Variants in CMIP observed in about 807,000 individuals in gnomAD.
CMIP encodes the protein c-Maf inducing protein.
In CMIP, 13 loss-of-function variants were observed where a neutral mutation model predicts 97.3. The ratio of observed to expected loss-of-function variants is 0.13; its 90% CI spans 0.09 to 0.21. CMIP has a LOEUF of 0.21. Ranked by LOEUF, CMIP falls within the 10% of genes least tolerant of loss-of-function variation. The pLI is 1.00. For synonymous variants in CMIP, 538 were observed against 436.3 expected (o/e 1.23, Z -2.91); for missense variants, 847 against 1,024.9 (o/e 0.83, Z 2.37).
At chr16:81,466,082 G>A (rs1271813159) in intron 1 of CMIP, among the ~76,000 whole-genome samples, 1 of 151,460 alleles carries the variant, frequency 6.6e-6, no homozygotes, top group Non-Finnish European at 1.5e-5. Context: ...TTTTTTTGAG[G>A]TAGGGTCTCG....
chr16:81,583,862 C>T (rs2150908576), intron 1 of CMIP, among the ~76,000 whole-genome samples: 2 of 152,238 alleles, frequency 1.3e-5, no homozygotes, highest in South Asian at 4.1e-4. Context: ...AGGAACAACA[C>T]ATTTGAGTTG....
chr16:81,535,730 T>C (rs572626858), intron 1 of CMIP, among the ~76,000 whole-genome samples: 1 of 152,290 alleles, frequency 6.6e-6, no homozygotes, highest in South Asian at 2.1e-4. Context: ...GTTCAGACAC[T>C]CGTTTACAGA....
chr16:81,475,331 G>A (rs549903168), intron 1 of CMIP, among the ~76,000 whole-genome samples: 19 of 152,320 alleles, frequency 1.2e-4, no homozygotes, highest in African/African-American at 4.3e-4. Context: ...TAACCACTCA[G>A]CGGAAGAAAT....
chr16:81,646,007 G>T (rs1008409794), intron 3 of CMIP, among the ~76,000 whole-genome samples: 1 of 152,032 alleles, frequency 6.6e-6, no homozygotes, highest in Non-Finnish European at 1.5e-5. Flanking sequence ...TGCTTGGCAC[G>T]TCATAGTAGA....
At chr16:81,659,198 G>A (rs955912482) in intron 5 of CMIP, among the ~76,000 whole-genome samples, 16 of 152,156 alleles carry the variant, frequency 1.1e-4, no homozygotes, top group Admixed American at 5.2e-4. Context: ...TTCATTTAAC[G>A]AACTTTGCTG....
In CMIP at chr16:81,614,854, C is replaced by G. The variant is rs992233549; in HGVS notation, c.427-6022C>G. On this transcript the variant is annotated intron_variant, in intron 2 of 20. Transcript: ENST00000537098. This position sits in a 1 kb window ranked among gnomAD's most constrained non-coding sequence, Gnocchi z 5.3. ...GTATACGGTGTGTATGCACATGTAT[C>G]TCTGTGTGTGCATGTGTGTGTGGTA... 6.7e-6 allele frequency among the ~76,000 whole-genome samples: 1 copy of G among 149,854 alleles called. No homozygotes were observed. Among genetic ancestry groups the G allele is most frequent in the African/African-American group, 2.5e-5 (1 of 40,514 alleles).
chr16:81,577,438 A>C (rs111164275), intron 1 of CMIP, among the ~76,000 whole-genome samples: 8,959 of 47,282 alleles, frequency 0.19, no homozygotes, highest in Middle Eastern at 0.32. Flanking sequence ...TCACCATCAT[A>C]ACCATCACCT....
intron 3 of CMIP, among the ~76,000 whole-genome samples, chr16:81,637,936 C>G (rs959919075): frequency 7.9e-5 from 12 of 152,116 alleles, no homozygotes; most frequent in Non-Finnish European, 1.5e-4. Context: ...TGAGGGAGCT[C>G]CCCCAAGCCT....
At chr16:81,536,733 GA>G (rs955706089) in intron 1 of CMIP, among the ~76,000 whole-genome samples, 4 of 152,114 alleles carry the variant, frequency 2.6e-5, no homozygotes, top group African/African-American at 9.7e-5. Flanking sequence ...TTCAGATGAG[GA>G]AACTGAGGCA....
At position 81,621,636 on chromosome 16, in the gene CMIP, C is replaced by G. The variant is rs568915430; in HGVS notation, c.477+710C>G. The G allele has an allele frequency of 6.5e-6, 1 of 152,810 alleles. No homozygotes were observed. The highest frequency in any genetic ancestry group is 6.5e-5 in the Admixed American group (1 of 15,280). 9.5% of individuals were successfully genotyped at this position (152,810 alleles called of 1,614,324 possible). On this transcript the variant is annotated intron_variant, in intron 3 of 20. Coordinates refer to ENST00000537098, the MANE Select transcript of CMIP (RefSeq NM_198390.3). The surrounding 1 kb of genome is among the most constrained non-coding windows in gnomAD (Gnocchi z 4.1). ...TGTCTTCTGATCTTCTGGTTTAGAA[C>G]AAGCTTTGACAGGCCCCTGGCCCCA...
chr16:81,471,362 A>G (rs1907531659), intron 1 of CMIP, among the ~76,000 whole-genome samples: 1 of 152,246 alleles, frequency 6.6e-6, no homozygotes, highest in Admixed American at 6.5e-5. Context: ...ACATATGTAT[A>G]CATGTATGTG....
At chr16:81,681,459 G>A (rs1328264392) in intron 10 of CMIP, among the ~76,000 whole-genome samples, 6 of 152,200 alleles carry the variant, frequency 3.9e-5, no homozygotes, top group Non-Finnish European at 5.9e-5. Flanking sequence ...CTGAGCCTCC[G>A]GTCCCAGGCT....
chr16:81,602,740 G>A (rs1567604575), intron 1 of CMIP, among the ~76,000 whole-genome samples: 1 of 152,178 alleles, frequency 6.6e-6, no homozygotes, highest in Non-Finnish European at 1.5e-5. Context: ...TCTCTTAGCT[G>A]TACATCTTAG....
At chr16:81,613,348 C>G (rs544513334) in intron 2 of CMIP, among the ~76,000 whole-genome samples, 20 of 152,252 alleles carry the variant, frequency 1.3e-4, no homozygotes, top group Non-Finnish European at 2.5e-4. Context: ...GCTTCATGTT[C>G]CAGGGCTGGA....
At chr16:81,459,061 T>C (rs7202750) in intron 1 of CMIP, among the ~76,000 whole-genome samples, 54,198 of 149,552 alleles carry the variant, frequency 0.36, 9,996 homozygotes, top group Admixed American at 0.49. Context: ...TCACCATCAC[T>C]GTCACCGTCA....
intron 1 of CMIP, among the ~76,000 whole-genome samples, chr16:81,514,787 G>A (rs1036576824): frequency 7.2e-5 from 11 of 152,186 alleles, no homozygotes; most frequent in Admixed American, 5.9e-4. Context: ...GGGTGGTTGT[G>A]AAGATTAAGT....
intron 1 of CMIP, among the ~76,000 whole-genome samples, chr16:81,562,752 C>T (rs985476561): frequency 6.6e-6 from 1 of 152,254 alleles, no homozygotes; most frequent in Non-Finnish European, 1.5e-5. Context: ...AAGTTCATAT[C>T]ACATACCCAT....
intron 1 of CMIP, among the ~76,000 whole-genome samples, chr16:81,557,877 A>G (rs943045367): frequency 5.3e-5 from 8 of 152,170 alleles, no homozygotes; most frequent in African/African-American, 1.9e-4. Context: ...TGCAACCATC[A>G]CTACCCTCCA....
intron 1 of CMIP, among the ~76,000 whole-genome samples, chr16:81,446,724 G>A (rs539194862): frequency 9.2e-5 from 14 of 152,296 alleles, no homozygotes; most frequent in Non-Finnish European, 1.6e-4. Flanking sequence ...AACGTGTAGC[G>A]TGTGTAGACA....
Sources: gnomAD v4.1 joint callset for allele counts (sites outside exome capture counted in the v4.1 genomes callset) on GRCh38, gnomAD v4.1.1 for gene constraint, Gnocchi (gnomAD v3.1) non-coding constraint, MANE v1.5 for transcripts, NCBI Gene and HGNC (gene_info 2026-07-23, HGNC 2026-07-21) for gene names.